The following WDR75 variants were observed in gnomAD, a reference collection of about 807,000 sequenced individuals.
WDR75 encodes the protein WD repeat domain 75, also known as WD repeat-containing protein 75.
Under a neutral mutation model 106.1 loss-of-function variants are expected in WDR75, and 52 were observed. That is an observed-to-expected ratio of 0.49 (90% CI 0.39 to 0.62). WDR75 has a LOEUF of 0.62. Among genes scored for constraint, WDR75 ranks in the 20% least tolerant of loss-of-function variants. WDR75 has a pLI of 0.00. For synonymous variants in WDR75, 333 were observed against 335.5 expected (o/e 0.99, Z 0.08); for missense variants, 905 against 970.3 (o/e 0.93, Z 0.89).
intron 5 of WDR75, among the ~76,000 whole-genome samples, chr2:189,457,051 G>T (rs888464595): frequency 1.3e-5 from 2 of 152,074 alleles, no homozygotes; most frequent in African/African-American, 4.8e-5. Flanking sequence ...AGACCAGCCT[G>T]GCCAACATGG....
rs1321310851 is a variant in WDR75, at chr2:189,466,725, G to A, written c.1447+143G>A. 3 of 846,290 alleles carry A rather than the reference G, an allele frequency of 3.5e-6. No homozygotes were observed. The Admixed American group carries it at 1.0e-4, about 29-fold the overall frequency. The allele number at this position is 846,290 out of a possible 1,614,324, so 52.4% of individuals were successfully genotyped here. On this transcript the variant is annotated intron_variant, in intron 13 of 20. Transcript: ENST00000314761. ...TATTGCTTAATCTTAATAGATTTAA[G>A]AGATTACATTTTACATGCCTTTTTC... is the stretch of plus-strand genomic sequence containing the variant.
At position 189,475,283 on chromosome 2, in the gene WDR75, G is replaced by A; in HGVS notation, c.2359G>A (p.Asp787Asn). Residue 787 changes from aspartate to asparagine, a missense_variant, in exon 21 of 21, where the codon GAT (aspartate) becomes AAT (asparagine). Physicochemically the swap from Asp to Asn is conservative, Grantham distance 23. Transcript: ENST00000314761. ...AAGTGAAGATTCAGATGAAGAAAAT[G>A]ATTTTACCGAAAAAGTCCAGGATAC... ...KESEDSDEEN[D>N]FTEKVQDTSN... 1 of 1,613,116 alleles carries A rather than the reference G, an allele frequency of 6.2e-7. No individual in the cohort carries two copies. Among genetic ancestry groups the A allele is most frequent in the East Asian group, 2.2e-5 (1 of 44,770 alleles).
Position 189,463,908 on chromosome 2 carries a change from A to C in WDR75, c.1060A>C (p.Lys354Gln), listed in dbSNP as rs762167139. The change falls in exon 11 of 21, where the codon AAA (lysine) becomes CAA (glutamine). Residue 354 changes from lysine (K) to glutamine (Q), a missense_variant. Coordinates refer to ENST00000314761, the MANE Select transcript of WDR75 (RefSeq NM_032168.3). ...AACTAAAGCTTTGGTTTTGAATGGA[A>C]AACCTGGCCACCTGCAGTTTTATTC... is the stretch of plus-strand genomic sequence containing the variant. ...PRTKALVLNG[K>Q]PGHLQFYSLQ... The C allele has an allele frequency of 9.3e-6, 15 of 1,613,844 alleles. No individual in the cohort carries two copies. The South Asian group carries it at 1.4e-4, about 15-fold the overall frequency.
rs1314774738 is a variant in WDR75 at position 189,473,770 on chromosome 2, C to A, written c.2050-416C>A. 2.6e-5 allele frequency among the ~76,000 whole-genome samples: 4 copies of A among 152,200 alleles called. No individual in the cohort carries two copies. The South Asian group carries it at 8.3e-4, about 32-fold the overall frequency. On this transcript the variant is annotated intron_variant, in intron 18 of 20. Coordinates refer to ENST00000314761, the MANE Select transcript of WDR75 (RefSeq NM_032168.3). ...ATGAATTGGGATGCTTCTTGGCTTT[C>A]CCTACAGCCAGCTTAGAATTGTGCT...
At chr2:189,467,009 G>A (rs1687015956) in intron 13 of WDR75, among the ~76,000 whole-genome samples, 1 of 151,922 alleles carries the variant, frequency 6.6e-6, no homozygotes, top group Admixed American at 6.6e-5. Flanking sequence ...ATTTGTGTGT[G>A]CATCTTTGTT....
At chr2:189,456,135 T>C (rs571049493) in intron 5 of WDR75, among the ~76,000 whole-genome samples, 3 of 152,380 alleles carry the variant, frequency 2.0e-5, no homozygotes, top group African/African-American at 7.2e-5. Flanking sequence ...CAGAGTAAAC[T>C]TCTTTAACAT....
chr2:189,462,484 G>T lies in WDR75; in HGVS notation c.779G>T (p.Gly260Val). 4.3e-6 allele frequency: 7 copies of T among 1,613,282 alleles called. No homozygotes were observed. The highest frequency in any genetic ancestry group is 5.9e-6 in the Non-Finnish European group (7 of 1,179,474). Residue 260 changes from glycine to valine, a missense_variant and splice_region_variant, in exon 9 of 21, where the codon GGC becomes GTC. By Grantham distance (109) the Gly-to-Val change is moderately radical. Transcript: ENST00000314761. Reference sequence around the variant, plus strand: ...TTAATTTCCTTGAATGGATATGAAGGCACCAGTCTGCTGAGTGGCGGTCGT... The same window carrying T: ...TTAATTTCCTTGAATGGATATGAAGTCACCAGTCTGCTGAGTGGCGGTCGT... ...MVMDLAFSVT[G>V]TSLLSGGRES...
intron 1 of WDR75, among the ~76,000 whole-genome samples, chr2:189,445,963 G>C (rs191266242): frequency 6.6e-6 from 1 of 152,324 alleles, no homozygotes; most frequent in Admixed American, 6.5e-5. Flanking sequence ...GAAACAAGAA[G>C]AGAGGATATT....
At chr2:189,465,023 A>G in intron 11 of WDR75, 56 bp from the exon 12 acceptor site, 5 of 1,262,472 alleles carry the variant, frequency 4.0e-6, no homozygotes, top group Non-Finnish European at 4.4e-6. Context: ...ATGCTGTAAC[A>G]TTTGTGTATT....
At chr2:189,455,708 G>A (rs1442075477) in intron 5 of WDR75, 1 of 244,604 alleles carries the variant, frequency 4.1e-6, no homozygotes, top group East Asian at 7.9e-5. Context: ...CCTCCCATAT[G>A]TTAATTAATT....
intron 4 of WDR75, among the ~76,000 whole-genome samples, chr2:189,453,097 C>T (rs1036373300): frequency 6.6e-6 from 1 of 152,124 alleles, no homozygotes; most frequent in African/African-American, 2.4e-5. Flanking sequence ...CTCCAAAGGA[C>T]ATTTCAAAAA....
chr2:189,449,106 CTTCT>C, intron 2 of WDR75: 1 of 553,056 alleles, frequency 1.8e-6, no homozygotes, highest in East Asian at 6.9e-5. Flanking sequence ...CAAAGCAGCC[CTTCT>C]TTCTTAGTAT....
chr2:189,461,313 T>C (rs1175592757), intron 8 of WDR75, among the ~76,000 whole-genome samples: 2 of 152,220 alleles, frequency 1.3e-5, no homozygotes, highest in Non-Finnish European at 2.9e-5. Context: ...TTGTTAGTTT[T>C]CAAACCATTA....
At chr2:189,454,434 C>G (rs77120763) in intron 4 of WDR75, among the ~76,000 whole-genome samples, 5,088 of 152,146 alleles carry the variant, frequency 0.033, 129 homozygotes, top group Non-Finnish European at 0.053. Flanking sequence ...CTCAGCTGAC[C>G]AACATTCATA....
At chr2:189,464,010 A>G (rs1371427239) in intron 11 of WDR75, 49 bp downstream of exon 11, 1 of 1,491,874 alleles carries the variant, frequency 6.7e-7, no homozygotes, top group Non-Finnish European at 9.3e-7. Flanking sequence ...TCTTTACAGT[A>G]CCACTGGAGT....
chr2:189,455,275 C>A, intron 4 of WDR75, 45 bp from the exon 5 acceptor site: 1 of 1,580,792 alleles, frequency 6.3e-7, no homozygotes, highest in Non-Finnish European at 8.6e-7. Context: ...CACATGTTTG[C>A]TCTCTCTAGA....
Position 189,459,429 on chromosome 2 carries a change from G to T in WDR75, c.778+5G>T, listed in dbSNP as rs370887025. 7.5e-6 allele frequency: 12 copies of T among 1,607,660 alleles called. No individual in the cohort carries two copies. The African/African-American group carries it at 1.1e-4, about 14-fold the overall frequency. ...ATTTGGCTTTTTCAGTGACAGGTAA[G>T]TGCGGGTTTAATTATTAAAATGAAC... On this transcript the variant is annotated splice_donor_5th_base_variant and intron_variant, in intron 8 of 20. Transcript: ENST00000314761.
intron 2 of WDR75, chr2:189,450,656 T>A: frequency 8.3e-7 from 1 of 1,205,042 alleles, no homozygotes; most frequent in Non-Finnish European, 1.0e-6. Context: ...ATCTCCCTCT[T>A]CAAGACAGAA....
chr2:189,474,746 A>G lies in WDR75; in HGVS notation c.2226A>G (p.Pro742=). ...TTCACACTCCAGCCCATGTCCTGCC[A>G]TCTGCTGCTTTCCTGTGCTCCATGT... is the stretch of plus-strand genomic sequence containing the variant. The part of the protein sequence containing the change: ...ELLHTPAHVL[P]SAAFLCSMFV... The change falls in exon 20 of 21, where the codon CCA becomes CCG. Residue 742 remains proline, a synonymous_variant. Transcript: ENST00000314761. 6.2e-7 allele frequency: 1 copy of G among 1,614,086 alleles called. No individual in the cohort carries two copies. Among genetic ancestry groups the G allele is most frequent in the Non-Finnish European group, 8.5e-7 (1 of 1,179,956 alleles).
Sources: gnomAD v4.1 joint callset for allele counts (sites outside exome capture counted in the v4.1 genomes callset) on GRCh38, gnomAD v4.1.1 for gene constraint, MANE v1.5 for transcripts, NCBI Gene and HGNC (gene_info 2026-07-23, HGNC 2026-07-21) for gene names.